ARHGEF10L: variants seen among roughly 807,000 people sequenced by gnomAD.
ARHGEF10L encodes the protein rho guanine nucleotide exchange factor 10-like protein.
ARHGEF10L carries 69 observed loss-of-function variants against 141.2 expected under a neutral mutation model. The observed-to-expected ratio is 0.49, with a 90% CI of 0.40 to 0.60. ARHGEF10L has a LOEUF of 0.60. ARHGEF10L is among the 20% of genes least tolerant of loss of function. The pLI is 0.00. For missense variants in ARHGEF10L, 1,482 were observed against 1,734.3 expected, an observed-to-expected ratio of 0.85 and a Z score of 2.58; for synonymous variants, 711 against 718.5, an observed-to-expected ratio of 0.99 and a Z score of 0.17.
At chr1:17,596,104 C>T (rs1228513465) in intron 4 of ARHGEF10L, among the ~76,000 whole-genome samples, 1 of 152,214 alleles carries the variant, frequency 6.6e-6, no homozygotes, top group Non-Finnish European at 1.5e-5. Context: ...CTGCAGCCTG[C>T]AGGGAGCTTA....
rs368874627 is a variant in ARHGEF10L, at chr1:17,625,929, C to A, written c.1318-27C>A. 7 of 1,607,166 alleles carry A rather than the reference C, an allele frequency of 4.4e-6. No individual in the cohort carries two copies. The highest frequency in any genetic ancestry group is 6.0e-6 in the Non-Finnish European group (7 of 1,174,312). On this transcript the variant is annotated intron_variant, in intron 13 of 28. Coordinates refer to ENST00000361221, the MANE Select transcript of ARHGEF10L (RefSeq NM_018125.4). This position sits in a 1 kb window ranked among gnomAD's most constrained non-coding sequence, Gnocchi z 4.5. ...CTGGGCCCTCTCTGCAGGGGGTCAG[C>A]GAATGACGGAACCTTGTCTCCACCA...
intron 25 of ARHGEF10L, among the ~76,000 whole-genome samples, chr1:17,662,170 G>A (rs190579270): frequency 5.9e-5 from 9 of 152,282 alleles, no homozygotes; most frequent in African/African-American, 9.6e-5. Flanking sequence ...GGTTGTCTCC[G>A]TTATGAACAG....
At chr1:17,584,627 A>G (rs2078867985) in intron 2 of ARHGEF10L, among the ~76,000 whole-genome samples, 2 of 152,226 alleles carry the variant, frequency 1.3e-5, no homozygotes, top group African/African-American at 4.8e-5. Flanking sequence ...AGCGTGCAGT[A>G]GAGATGCCGC....
intron 4 of ARHGEF10L, among the ~76,000 whole-genome samples, chr1:17,600,886 C>T (rs1383277647): frequency 1.3e-5 from 2 of 151,732 alleles, no homozygotes; most frequent in Non-Finnish European, 2.9e-5. Context: ...CCCATCTCTA[C>T]CAAAAGTGCA....
chr1:17,563,126 G>T (rs2077609034), intron 1 of ARHGEF10L, among the ~76,000 whole-genome samples: 1 of 152,166 alleles, frequency 6.6e-6, no homozygotes, highest in African/African-American at 2.4e-5. Flanking sequence ...TTCAATATGG[G>T]GGTATGATGT....
chr1:17,631,759 A>T (rs181996220), intron 15 of ARHGEF10L, among the ~76,000 whole-genome samples: 4 of 152,234 alleles, frequency 2.6e-5, no homozygotes, highest in Non-Finnish European at 2.9e-5. Context: ...CTTGAAATTC[A>T]TAGTCACTTT....
At chr1:17,635,082 C>T (rs1303537866) in intron 18 of ARHGEF10L, 66 bp downstream of exon 18, 1 of 1,583,314 alleles carries the variant, frequency 6.3e-7, no homozygotes, top group South Asian at 1.1e-5. Flanking sequence ...GCCTGGGCTG[C>T]TCCTACCCAG....
intron 1 of ARHGEF10L, among the ~76,000 whole-genome samples, chr1:17,556,634 C>T: frequency 6.6e-6 from 1 of 152,122 alleles, no homozygotes; most frequent in East Asian, 1.9e-4. Flanking sequence ...GGCCTAAGCA[C>T]CCTGGGAACT....
chr1:17,654,288 G>A lies in ARHGEF10L; in HGVS notation c.2395-348G>A, dbSNP rs548667476. ...CCACTCACCTCCTCTGTGGTCTAGG[G>A]TAGTCACCTGCCCTCTGTGACCCTC... On this transcript the variant is annotated intron_variant, in intron 22 of 28. Coordinates refer to ENST00000361221, the MANE Select transcript of ARHGEF10L (RefSeq NM_018125.4). This position sits in a 1 kb window ranked among gnomAD's most constrained non-coding sequence, Gnocchi z 4.3. Among the ~76,000 whole-genome samples the A allele has an allele frequency of 9.2e-5, 14 of 152,298 alleles. No homozygotes were observed. The East Asian group carries it at 2.3e-3, about 25-fold the overall frequency.
At chr1:17,526,026 AAAAAG>A in the ARHGEF10L span, among the ~76,000 whole-genome samples, 1 of 151,788 alleles carries the variant, frequency 6.6e-6, no homozygotes, top group Non-Finnish European at 1.5e-5. Flanking sequence ...AAAGAAAAGA[AAAAAG>A]AAAACCAGGA....
At chr1:17,588,976 T>C (rs934129337) in intron 4 of ARHGEF10L, among the ~76,000 whole-genome samples, 1 of 151,734 alleles carries the variant, frequency 6.6e-6, no homozygotes, top group African/African-American at 2.4e-5. Flanking sequence ...GCCATTTGTC[T>C]TGTTAATATC....
intron 8 of ARHGEF10L, among the ~76,000 whole-genome samples, chr1:17,613,985 G>C (rs2059674695): frequency 6.6e-6 from 1 of 152,232 alleles, no homozygotes; most frequent in Admixed American, 6.5e-5. Flanking sequence ...TAGAAGCTCA[G>C]TGGACAGTGG....
the ARHGEF10L span, among the ~76,000 whole-genome samples, chr1:17,520,634 C>T: frequency 6.6e-6 from 1 of 152,206 alleles, no homozygotes; most frequent in African/African-American, 2.4e-5. Context: ...GGGATGGACT[C>T]TGTGAGGAGA....
chr1:17,655,844 C>A, intron 23 of ARHGEF10L, 35 bp from the exon 24 acceptor site: 1 of 1,539,650 alleles, frequency 6.5e-7, no homozygotes, highest in South Asian at 1.2e-5. Context: ...TCCTGTGGTT[C>A]CCACCTGATG....
intron 27 of ARHGEF10L, among the ~76,000 whole-genome samples, chr1:17,688,908 C>G (rs147236659): frequency 5.3e-5 from 8 of 152,092 alleles, no homozygotes; most frequent in Non-Finnish European, 8.8e-5. Flanking sequence ...ACTGATCACA[C>G]GGGGATGGTG....
the ARHGEF10L span, among the ~76,000 whole-genome samples, chr1:17,521,351 C>G: frequency 6.6e-6 from 1 of 152,194 alleles, no homozygotes; most frequent in African/African-American, 2.4e-5. Flanking sequence ...CATGCGCCAC[C>G]ACGCCCGGCT....
At chr1:17,524,042 G>A in the ARHGEF10L span, among the ~76,000 whole-genome samples, 1 of 152,286 alleles carries the variant, frequency 6.6e-6, no homozygotes, top group South Asian at 2.1e-4. Flanking sequence ...GGGAGGCTGA[G>A]GCAGGTGGAT....
At chr1:17,524,208 G>A in the ARHGEF10L span, among the ~76,000 whole-genome samples, 4 of 152,068 alleles carry the variant, frequency 2.6e-5, no homozygotes, top group Non-Finnish European at 4.4e-5. Flanking sequence ...GGGAGGTGGA[G>A]GTTGCAGTGA....
chr1:17,518,982 C>A, the ARHGEF10L span, among the ~76,000 whole-genome samples: 1 of 151,664 alleles, frequency 6.6e-6, no homozygotes, highest in African/African-American at 2.4e-5. Flanking sequence ...CCAGCCCCAG[C>A]CTGACCAACA....
Sources: gnomAD v4.1 joint callset for allele counts (sites outside exome capture counted in the v4.1 genomes callset) on GRCh38, gnomAD v4.1.1 for gene constraint, Gnocchi (gnomAD v3.1) non-coding constraint, MANE v1.5 for transcripts, NCBI Gene and HGNC (gene_info 2026-07-23, HGNC 2026-07-21) for gene names.